CCNT2: variants seen among roughly 807,000 people sequenced by gnomAD.
CCNT2 encodes cyclin-T2.
A neutral mutation model predicts 70.0 loss-of-function variants in CCNT2; 18 were observed. That is an observed-to-expected ratio of 0.26 (90% CI 0.18 to 0.38). CCNT2 has a LOEUF of 0.38. Among genes scored for constraint, CCNT2 ranks in the 10% least tolerant of loss-of-function variants. The probability of loss-of-function intolerance (pLI) is 1.00; values close to 1 mark genes in which losing one functional copy is unlikely to be tolerated. For missense variants in CCNT2, 734 were observed against 890.2 expected (o/e 0.82, Z 2.23); for synonymous variants, 334 against 313.3 (o/e 1.07, Z -0.70).
intron 8 of CCNT2, 46 bp downstream of exon 8, chr2:134,952,757 AC>A: frequency 4.6e-6 from 6 of 1,302,328 alleles, no homozygotes; most frequent in Non-Finnish European, 6.6e-6. Context: ...CTTTTATGTA[AC>A]ATTTACATAG....
intron 2 of CCNT2, among the ~76,000 whole-genome samples, chr2:134,928,270 A>ATTTTTTTTTTTTTTTT (rs1680442850): frequency 1.3e-5 from 1 of 77,990 alleles, no homozygotes; most frequent in African/African-American, 5.5e-5. Flanking sequence ...CTCACATTGT[A>ATTTTTTTTTTTTTTTT]TTTCTTTTTT....
chr2:134,949,802 C>CGG (rs150690024), intron 7 of CCNT2, among the ~76,000 whole-genome samples: 11,603 of 48,254 alleles, frequency 0.24, 815 homozygotes, highest in Middle Eastern at 0.44. Context: ...ATTTTTTTTT[C>CGG]GGGGGGGGGG....
In CCNT2 at chr2:134,955,054, G is replaced by C. The variant is rs1223496917; in HGVS notation, c.*406G>C. ...TTTGTGTATTTATACTTGTATGTATGATTTGCATGTTTCAATGATAAAGGG... is the reference window on the plus strand; with the variant it reads ...TTTGTGTATTTATACTTGTATGTATCATTTGCATGTTTCAATGATAAAGGG... On this transcript the variant is annotated 3_prime_UTR_variant, in exon 9 of 9. Coordinates refer to ENST00000264157, the MANE Select transcript of CCNT2 (RefSeq NM_058241.3). 6.0e-6 allele frequency: 1 copy of C among 167,172 alleles called. No homozygotes were observed. The highest frequency in any genetic ancestry group is 2.4e-5 in the African/African-American group (1 of 41,720). The allele number at this position is 167,172 out of a possible 1,614,324, so 10.4% of individuals were successfully genotyped here.
At chr2:134,940,567 C>T (rs1213873488) in intron 4 of CCNT2, among the ~76,000 whole-genome samples, 3 of 152,034 alleles carry the variant, frequency 2.0e-5, no homozygotes, top group African/African-American at 2.4e-5. Context: ...TTTAATAATA[C>T]GTAACTGTAC....
At position 134,918,875 on chromosome 2, in the gene CCNT2, T is replaced by A. The variant is rs1224075930; in HGVS notation, c.21T>A (p.Ala7=). MASGRG[A]SSRWFFTREQ... is the part of the protein sequence containing the mutation. ...GTGTCATGGCGTCGGGCCGTGGAGC[T>A]TCTTCTCGCTGGTTCTTTACTCGGG... Residue 7 remains alanine, a synonymous_variant, in exon 1 of 9, where the codon GCT becomes GCA. Coordinates refer to ENST00000264157, the MANE Select transcript of CCNT2 (RefSeq NM_058241.3). The A allele has an allele frequency of 6.2e-7, 1 of 1,613,678 alleles. No individual in the cohort carries two copies. Among genetic ancestry groups the A allele is most frequent in the South Asian group, 1.1e-5 (1 of 91,040 alleles).
intron 2 of CCNT2, among the ~76,000 whole-genome samples, chr2:134,922,654 A>G (rs1041965054): frequency 5.9e-5 from 9 of 152,222 alleles, no homozygotes; most frequent in African/African-American, 2.2e-4. Flanking sequence ...TAAATTTAGT[A>G]AAGTGTAAAA....
At chr2:134,937,778 G>A (rs1681271360) in intron 3 of CCNT2, among the ~76,000 whole-genome samples, 2 of 152,174 alleles carry the variant, frequency 1.3e-5, no homozygotes, top group South Asian at 4.1e-4. Flanking sequence ...GCCAGGCATG[G>A]TGGCACATGC....
At chr2:134,921,784 C>A (rs1054852142) in intron 2 of CCNT2, among the ~76,000 whole-genome samples, 2 of 152,214 alleles carry the variant, frequency 1.3e-5, no homozygotes, top group Admixed American at 6.5e-5. Flanking sequence ...CTAGCTTTCA[C>A]TATTTTACTT....
chr2:134,946,741 G>A (rs186736167), intron 6 of CCNT2, among the ~76,000 whole-genome samples: 68 of 150,336 alleles, frequency 4.5e-4, no homozygotes, highest in African/African-American at 1.6e-3. Context: ...AGTAAAAAAT[G>A]GTATGTGTTT....
In CCNT2 at chr2:134,956,414, A is replaced by G. The variant is rs996437406; in HGVS notation, c.*1766A>G. ...GTCCTAACATTTGTTCTGGTCTTGC[A>G]TAACTTCAGTAATCTTTGTCATTAT... On this transcript the variant is annotated 3_prime_UTR_variant, in exon 9 of 9. Transcript: ENST00000264157. 5.2e-5 allele frequency: 8 copies of G among 152,510 alleles called. No homozygotes were observed. Among genetic ancestry groups the G allele is most frequent in the African/African-American group, 1.9e-4 (8 of 41,454 alleles). 9.4% of individuals were successfully genotyped at this position (152,510 alleles called of 1,614,324 possible).
At chr2:134,949,500 C>G (rs921312001) in intron 7 of CCNT2, among the ~76,000 whole-genome samples, 1 of 152,144 alleles carries the variant, frequency 6.6e-6, no homozygotes, top group South Asian at 2.1e-4. Flanking sequence ...TTTGCCTGTT[C>G]TTATTTGTGA....
chr2:134,931,618 G>T (rs6738563), intron 2 of CCNT2, among the ~76,000 whole-genome samples: 106,381 of 151,990 alleles, frequency 0.7, 40,317 homozygotes, highest in East Asian at 1. Flanking sequence ...TTATAGGGAT[G>T]ACATTGAATC....
intron 2 of CCNT2, among the ~76,000 whole-genome samples, chr2:134,932,759 A>G (rs1026178229): frequency 1.3e-4 from 20 of 152,198 alleles, no homozygotes; most frequent in African/African-American, 4.8e-4. Flanking sequence ...CACTTGGCAA[A>G]TGCCAATTAA....
In CCNT2 at chr2:134,958,537, C is replaced by T. The variant is rs1683047787; in HGVS notation, c.*3889C>T. On this transcript the variant is annotated 3_prime_UTR_variant, in exon 9 of 9. Coordinates refer to ENST00000264157, the MANE Select transcript of CCNT2 (RefSeq NM_058241.3). ...GGATTTTTGCATTGGAAAAGCAGCA[C>T]ATTCTCTGACCTTGGGTACCAAGCT... The T allele has an allele frequency of 6.6e-6, 1 of 152,188 alleles. No individual in the cohort carries two copies. Among genetic ancestry groups the T allele is most frequent in the Non-Finnish European group, 1.5e-5 (1 of 68,040 alleles). 9.4% of individuals were successfully genotyped at this position (152,188 alleles called of 1,614,324 possible).
At chr2:134,919,333 T>G (rs1679679962) in intron 1 of CCNT2, among the ~76,000 whole-genome samples, 3 of 152,168 alleles carry the variant, frequency 2.0e-5, no homozygotes, top group African/African-American at 7.2e-5. Context: ...GGCGGCTCCC[T>G]GGACTTGTCC....
At chr2:134,925,759 C>T (rs1422664904) in intron 2 of CCNT2, among the ~76,000 whole-genome samples, 2 of 150,102 alleles carry the variant, frequency 1.3e-5, no homozygotes, top group African/African-American at 2.5e-5. Context: ...TTTGTGTAGA[C>T]TTGTGTTTTT....
At chr2:134,940,346 A>G (rs926502726) in intron 4 of CCNT2, among the ~76,000 whole-genome samples, 1 of 151,126 alleles carries the variant, frequency 6.6e-6, no homozygotes, top group African/African-American at 2.4e-5. Context: ...GCTGTAGCCT[A>G]GAAATATTGA....
chr2:134,951,825 A>T (rs1270769227), intron 7 of CCNT2, among the ~76,000 whole-genome samples: 1 of 152,242 alleles, frequency 6.6e-6, no homozygotes, highest in Non-Finnish European at 1.5e-5. Flanking sequence ...TGTTAACTAA[A>T]CCACAGATGT....
At chr2:134,931,953 A>G (rs1038066811) in intron 2 of CCNT2, among the ~76,000 whole-genome samples, 2 of 152,022 alleles carry the variant, frequency 1.3e-5, no homozygotes, top group African/African-American at 2.4e-5. Context: ...AGCCTTAACT[A>G]TGAAATACTA....
Sources: gnomAD v4.1 joint callset for allele counts (sites outside exome capture counted in the v4.1 genomes callset) on GRCh38, gnomAD v4.1.1 for gene constraint, MANE v1.5 for transcripts, NCBI Gene and HGNC (gene_info 2026-07-23, HGNC 2026-07-21) for gene names.